Variants in ELP4 observed in about 807,000 individuals in gnomAD.
ELP4 encodes the protein elongator acetyltransferase complex subunit 4.
ELP4 carries 51 observed loss-of-function variants against 48.9 expected under a neutral mutation model. That is an observed-to-expected ratio of 1.04 (90% confidence interval 0.83 to 1.32). ELP4 has a LOEUF of 1.32. ELP4 is among the 40% of genes most tolerant of loss of function. The probability of loss-of-function intolerance (pLI) is 0.00; values close to 1 mark genes in which losing one functional copy is unlikely to be tolerated. For missense variants in ELP4, 519 were observed against 514.6 expected, an observed-to-expected ratio of 1.01 and a Z score of -0.08; for synonymous variants, 210 against 189.2, an observed-to-expected ratio of 1.11 and a Z score of -0.90.
intron 2 of ELP4, among the ~76,000 whole-genome samples, chr11:31,527,439 T>C (rs1956314887): frequency 1.3e-5 from 2 of 151,890 alleles, no homozygotes; most frequent in African/African-American, 2.4e-5. Context: ...AAAATCAATG[T>C]GTTTGAAGCT....
chr11:31,583,664 G>A (rs1228668654), intron 3 of ELP4, among the ~76,000 whole-genome samples: 1 of 152,176 alleles, frequency 6.6e-6, no homozygotes, highest in Non-Finnish European at 1.5e-5. Context: ...ACAATTAAGT[G>A]TGATGCTTCT....
intron 9 of ELP4, among the ~76,000 whole-genome samples, chr11:31,777,876 G>A (rs1197267991): frequency 2.0e-5 from 3 of 152,182 alleles, no homozygotes; most frequent in Non-Finnish European, 4.4e-5. Context: ...GAGTGTCTCT[G>A]TATTATAGCT....
rs115478719 is a variant in ELP4 at position 31,605,908 on chromosome 11, C to G, written c.653+2001C>G. Reference sequence around the variant, plus strand: ...GGCTGTCAGTGACTGAGCTAACACCCAAACTCAAGTTTCTAAAACCTCTGC... The same window carrying G: ...GGCTGTCAGTGACTGAGCTAACACCGAAACTCAAGTTTCTAAAACCTCTGC... On this transcript the variant is annotated intron_variant, in intron 5 of 9. Coordinates refer to ENST00000640961, the MANE Select transcript of ELP4 (RefSeq NM_019040.5). Among the ~76,000 whole-genome samples the G allele has an allele frequency of 9.8e-3, 1,495 of 152,038 alleles. 35 individuals are homozygous for G. The highest frequency in any genetic ancestry group is 0.034 in the African/African-American group (1,421 of 41,518).
chr11:31,742,776 G>C (rs929937971), intron 9 of ELP4, among the ~76,000 whole-genome samples: 1 of 152,122 alleles, frequency 6.6e-6, no homozygotes, highest in African/African-American at 2.4e-5. Flanking sequence ...GGATCAACCA[G>C]TACGAGCCAC....
chr11:31,642,676 C>T lies in ELP4; in HGVS notation c.928-5065C>T, dbSNP rs577290578. ...TAAAATTAACCATGACTTGAAGTTC[C>T]GTGTTAAATCTGGAAAGATTTAATC... On this transcript the variant is annotated intron_variant, in intron 7 of 9. Coordinates refer to ENST00000640961, the MANE Select transcript of ELP4 (RefSeq NM_019040.5). Among the ~76,000 whole-genome samples the T allele has an allele frequency of 3.3e-5, 5 of 151,628 alleles. No homozygotes were observed. The South Asian group carries it at 8.3e-4, about 25-fold the overall frequency.
In ELP4 at chr11:31,588,541, A is replaced by G. The variant is rs534856985; in HGVS notation, c.382-6229A>G. 6.6e-5 allele frequency among the ~76,000 whole-genome samples: 10 copies of G among 152,284 alleles called. No individual in the cohort carries two copies. The South Asian group carries it at 2.1e-3, about 32-fold the overall frequency. Reference sequence around the variant, plus strand: ...GGTTTTAAAGCACATTTCCTTGATTACTAATTCTTCTTTGTACTTCTCCGC... The same window carrying G: ...GGTTTTAAAGCACATTTCCTTGATTGCTAATTCTTCTTTGTACTTCTCCGC... On this transcript the variant is annotated intron_variant, in intron 3 of 9. Transcript: ENST00000640961.
chr11:31,581,775 A>G (rs1463745462), intron 3 of ELP4, among the ~76,000 whole-genome samples: 1 of 146,066 alleles, frequency 6.8e-6, no homozygotes, highest in Non-Finnish European at 1.5e-5. Context: ...TTCTTTTTAG[A>G]CAGTGTCTCG....
intron 9 of ELP4, among the ~76,000 whole-genome samples, chr11:31,726,810 G>A (rs895058652): frequency 6.6e-6 from 1 of 152,102 alleles, no homozygotes; most frequent in Non-Finnish European, 1.5e-5. Flanking sequence ...GGGAACCACT[G>A]GATTATATTA....
intron 2 of ELP4, among the ~76,000 whole-genome samples, chr11:31,533,447 G>A (rs1565039027): frequency 7.1e-6 from 1 of 140,860 alleles, no homozygotes; most frequent in South Asian, 2.2e-4. Flanking sequence ...GCGCTATCTC[G>A]GCTCACTGCA....
At chr11:31,584,912 A>T (rs1222022555) in intron 3 of ELP4, among the ~76,000 whole-genome samples, 1 of 152,162 alleles carries the variant, frequency 6.6e-6, no homozygotes, top group Non-Finnish European at 1.5e-5. Flanking sequence ...AATGTTCTAA[A>T]CAGAATGTCC....
chr11:31,775,956 C>G (rs973502909), intron 9 of ELP4, among the ~76,000 whole-genome samples: 1 of 151,754 alleles, frequency 6.6e-6, no homozygotes, highest in African/African-American at 2.4e-5. Flanking sequence ...CAGAGTGAGA[C>G]TTCGTCTCAA....
intron 9 of ELP4, among the ~76,000 whole-genome samples, chr11:31,757,029 C>T (rs928736843): frequency 3.3e-5 from 5 of 152,164 alleles, no homozygotes; most frequent in African/African-American, 1.2e-4. Context: ...TTGACAATGC[C>T]AGTTTTTTGA....
intron 5 of ELP4, among the ~76,000 whole-genome samples, chr11:31,610,800 G>T (rs182558036): frequency 1.3e-5 from 2 of 152,122 alleles, no homozygotes; most frequent in Non-Finnish European, 2.9e-5. Flanking sequence ...TCACTGGTAT[G>T]CATGGGTTTT....
At chr11:31,751,572 A>C (rs554530005) in intron 9 of ELP4, among the ~76,000 whole-genome samples, 1 of 152,340 alleles carries the variant, frequency 6.6e-6, no homozygotes, top group South Asian at 2.1e-4. Context: ...TTGACATTGA[A>C]TAGACACTCA....
intron 9 of ELP4, among the ~76,000 whole-genome samples, chr11:31,686,202 G>A (rs1946156401): frequency 6.6e-6 from 1 of 151,536 alleles, no homozygotes; most frequent in African/African-American, 2.4e-5. Flanking sequence ...ATACAATTAA[G>A]GTTATCACCT....
chr11:31,653,082 C>CA (rs1413814022), intron 9 of ELP4: 1 of 151,616 alleles, frequency 6.6e-6, no homozygotes, highest in Non-Finnish European at 1.5e-5. Flanking sequence ...TCTTCCTTCT[C>CA]AGAGTATATG....
chr11:31,592,796 A>G (rs760036978), intron 3 of ELP4, among the ~76,000 whole-genome samples: 6 of 152,014 alleles, frequency 3.9e-5, no homozygotes, highest in Non-Finnish European at 7.4e-5. Context: ...ATGCTTACCT[A>G]TATTTTATAG....
intron 9 of ELP4, chr11:31,719,494 T>C (rs975783733): frequency 3.3e-5 from 13 of 398,228 alleles, no homozygotes; most frequent in African/African-American, 2.7e-4. Flanking sequence ...GAGTCTGTGG[T>C]CTTTTCCAAA....
At chr11:31,547,275 T>C (rs1464116015) in intron 3 of ELP4, among the ~76,000 whole-genome samples, 2 of 151,976 alleles carry the variant, frequency 1.3e-5, no homozygotes, top group South Asian at 2.1e-4. Flanking sequence ...AAGAATCAAA[T>C]AGACGCAATA....
Sources: allele counts gnomAD v4.1 joint callset (sites outside exome capture counted in the v4.1 genomes callset), GRCh38; gene constraint gnomAD v4.1.1; transcripts MANE v1.5; gene names NCBI Gene and HGNC (gene_info 2026-07-23, HGNC 2026-07-21).